The following ELP4 variants were observed in gnomAD, a reference collection of about 807,000 sequenced individuals.
ELP4 encodes the protein elongator complex protein 4.
Under a neutral mutation model 48.9 loss-of-function variants are expected in ELP4, and 51 were observed. That is an observed-to-expected ratio of 1.04 (90% CI 0.83 to 1.32). The LOEUF is 1.32. Ranked by LOEUF, ELP4 falls within the 40% of genes most tolerant of loss-of-function variation. The pLI, the probability that ELP4 is intolerant of heterozygous loss-of-function variation, is 0.00. For synonymous variants in ELP4, 210 were observed against 189.2 expected (o/e 1.11, Z -0.90); for missense variants, 519 against 514.6 (o/e 1.01, Z -0.08).
chr11:31,548,594 C>T (rs376152426), intron 3 of ELP4, among the ~76,000 whole-genome samples: 11 of 152,320 alleles, frequency 7.2e-5, no homozygotes, highest in African/African-American at 2.6e-4. Context: ...CCATCCCTAT[C>T]AAGCTACCAA....
chr11:31,692,000 G>A (rs1946291614), intron 9 of ELP4, among the ~76,000 whole-genome samples: 1 of 152,154 alleles, frequency 6.6e-6, no homozygotes. Context: ...CATGTTTTAA[G>A]CAACTAAGGA....
intron 7 of ELP4, among the ~76,000 whole-genome samples, chr11:31,643,395 GATAATTA>G (rs1301112148): frequency 1.3e-5 from 2 of 151,654 alleles, no homozygotes; most frequent in African/African-American, 4.8e-5. Flanking sequence ...CAAGCTTCTT[GATAATTA>G]AGTTATTGGT....
chr11:31,771,537 C>A (rs1359476337), intron 9 of ELP4, among the ~76,000 whole-genome samples: 3 of 152,224 alleles, frequency 2.0e-5, no homozygotes, highest in Non-Finnish European at 4.4e-5. Context: ...TTCTCATAGC[C>A]ACTCCCCTGC....
At chr11:31,539,554 T>A in intron 2 of ELP4, 108 bp from the exon 3 acceptor site, 1 of 1,175,098 alleles carries the variant, frequency 8.5e-7, no homozygotes, top group Non-Finnish European at 1.2e-6. Context: ...CTCATATACT[T>A]GTTTTAAGGA....
chr11:31,571,896 G>A (rs1957198971), intron 3 of ELP4, among the ~76,000 whole-genome samples: 1 of 152,180 alleles, frequency 6.6e-6, no homozygotes, highest in Admixed American at 6.5e-5. Flanking sequence ...TCCAGGCTTT[G>A]TTGTTCTGTT....
In ELP4 at chr11:31,784,508, A is replaced by G. The variant is rs960669709; in HGVS notation, c.*984A>G. ...GCTTTTGACAGATAATGGATAAAAA[A>G]TGAAAGTTGAAAAGTAACTTGCATA... On this transcript the variant is annotated 3_prime_UTR_variant, in exon 10 of 10. Coordinates refer to ENST00000640961, the MANE Select transcript of ELP4 (RefSeq NM_019040.5). The G allele has an allele frequency of 5.3e-5, 8 of 152,166 alleles. No individual in the cohort carries two copies. Among genetic ancestry groups the G allele is most frequent in the African/African-American group, 1.9e-4 (8 of 41,464 alleles). The allele number at this position is 152,166 out of a possible 1,614,324, so 9.4% of individuals were successfully genotyped here.
rs1265594370 is a variant in ELP4, at chr11:31,784,113, T to C, written c.*589T>C. On this transcript the variant is annotated 3_prime_UTR_variant, in exon 10 of 10. Coordinates refer to ENST00000640961, the MANE Select transcript of ELP4 (RefSeq NM_019040.5). ...TAAAGAACTTCAGTGATAGGAAACA[T>C]AGAAAAAAGAAGTGGATGGTCTTTA... 6.6e-6 allele frequency: 1 copy of C among 152,090 alleles called. No individual in the cohort carries two copies. The highest frequency in any genetic ancestry group is 2.4e-5 in the African/African-American group (1 of 41,432). 9.4% of individuals were successfully genotyped at this position (152,090 alleles called of 1,614,324 possible). A position where few individuals can be genotyped will look rare whatever the true frequency, so the allele number is the denominator to read the frequency against.
chr11:31,592,343 A>C (rs1957594623), intron 3 of ELP4, among the ~76,000 whole-genome samples: 1 of 152,044 alleles, frequency 6.6e-6, no homozygotes, highest in Non-Finnish European at 1.5e-5. Context: ...CAGGAGTTCA[A>C]CACCAGCCTG....
rs191829030 is a variant in ELP4, at chr11:31,698,537, C to T, written c.1143+48316C>T. ...AAGCGATTCTCCCTCCTTAGCCTCC[C>T]GAGTAGCTGGGATCACAGGCGTGGG... On this transcript the variant is annotated intron_variant, in intron 9 of 9. Transcript: ENST00000640961. 7.2e-3 allele frequency among the ~76,000 whole-genome samples: 1,099 copies of T among 152,100 alleles called. 4 individuals are homozygous for T. Among genetic ancestry groups the T allele is most frequent in the Middle Eastern group, 0.014 (4 of 292 alleles).
In ELP4 at chr11:31,783,662, T is replaced by C; in HGVS notation, c.*138T>C. On this transcript the variant is annotated 3_prime_UTR_variant, in exon 10 of 10. Coordinates refer to ENST00000640961, the MANE Select transcript of ELP4 (RefSeq NM_019040.5). ...CAGGATTATAAAATGGTGCCGCCATTTCTCATTTTTTAACTTTTTACAGAA... is the reference window on the plus strand; with the variant it reads ...CAGGATTATAAAATGGTGCCGCCATCTCTCATTTTTTAACTTTTTACAGAA... 1 of 813,384 alleles carries C rather than the reference T, an allele frequency of 1.2e-6. No individual in the cohort carries two copies. The highest frequency in any genetic ancestry group is 3.4e-5 in the Admixed American group (1 of 29,540). The allele number at this position is 813,384 out of a possible 1,614,324, so 50.4% of individuals were successfully genotyped here.
At chr11:31,694,813 GT>G (rs1286633163) in intron 9 of ELP4, among the ~76,000 whole-genome samples, 1 of 152,116 alleles carries the variant, frequency 6.6e-6, no homozygotes, top group Non-Finnish European at 1.5e-5. Flanking sequence ...TCTTCCATTT[GT>G]TTTTATCCTT....
At chr11:31,618,184 A>T (rs1944537125) in intron 5 of ELP4, among the ~76,000 whole-genome samples, 1 of 152,136 alleles carries the variant, frequency 6.6e-6, no homozygotes. Flanking sequence ...TACAGCTCAG[A>T]TGAATCCTTT....
chr11:31,759,888 G>C (rs535700559), intron 9 of ELP4, among the ~76,000 whole-genome samples: 17 of 151,974 alleles, frequency 1.1e-4, no homozygotes, highest in South Asian at 6.2e-4. Flanking sequence ...TGTATTTTTA[G>C]CAGAGACAGG....
chr11:31,688,485 C>A (rs1055957180), intron 9 of ELP4, among the ~76,000 whole-genome samples: 2 of 152,076 alleles, frequency 1.3e-5, no homozygotes, highest in African/African-American at 4.8e-5. Flanking sequence ...ATCTTTTTGA[C>A]CCCCACTAAG....
chr11:31,622,034 G>C (rs1944633079), intron 5 of ELP4, among the ~76,000 whole-genome samples: 1 of 151,734 alleles, frequency 6.6e-6, no homozygotes, highest in South Asian at 2.1e-4. Flanking sequence ...ACCTCACAAG[G>C]TTATTCTATT....
At chr11:31,706,570 A>G (rs1946638914) in intron 9 of ELP4, among the ~76,000 whole-genome samples, 1 of 147,918 alleles carries the variant, frequency 6.8e-6, no homozygotes, top group Admixed American at 6.8e-5. Flanking sequence ...AAATTAATAT[A>G]ATTAATAATT....
chr11:31,569,082 C>G (rs1308819690), intron 3 of ELP4, among the ~76,000 whole-genome samples: 1 of 148,492 alleles, frequency 6.7e-6, no homozygotes, highest in East Asian at 2.0e-4. Context: ...GAGACCCCAT[C>G]TCAAAAAAAA....
rs181456283 is a variant in ELP4 at position 31,789,293 on chromosome 11, C to G, written c.*5769C>G. The G allele has an allele frequency of 4.3e-6, 1 of 231,172 alleles. No homozygotes were observed. Among genetic ancestry groups the G allele is most frequent in the African/African-American group, 2.2e-5 (1 of 45,080 alleles). The allele number at this position is 231,172 out of a possible 1,614,324, so 14.3% of individuals were successfully genotyped here. A position where few individuals can be genotyped will look rare whatever the true frequency, so the allele number is the denominator to read the frequency against. ...TGACATAAAACAAATTGGATTATATCGAAGACACACTCTACCTTTTAGCTA... is the reference window on the plus strand; with the variant it reads ...TGACATAAAACAAATTGGATTATATGGAAGACACACTCTACCTTTTAGCTA... On this transcript the variant is annotated 3_prime_UTR_variant, in exon 10 of 10. Coordinates refer to ENST00000640961, the MANE Select transcript of ELP4 (RefSeq NM_019040.5).
chr11:31,537,429 TAA>T (rs1367965542), intron 2 of ELP4, among the ~76,000 whole-genome samples: 2 of 152,226 alleles, frequency 1.3e-5, no homozygotes, highest in African/African-American at 4.8e-5. Flanking sequence ...AATAAAATGA[TAA>T]GTTTTCCAAC....
Sources: allele counts gnomAD v4.1 joint callset (sites outside exome capture counted in the v4.1 genomes callset), GRCh38; gene constraint gnomAD v4.1.1; transcripts MANE v1.5; gene names NCBI Gene and HGNC (gene_info 2026-07-23, HGNC 2026-07-21).